ZNF804B: variants seen among roughly 807,000 people sequenced by gnomAD.
ZNF804B encodes the protein zinc finger protein 804B, also known as zinc finger 804B.
Under a neutral mutation model 101.4 loss-of-function variants are expected in ZNF804B, and 80 were observed. The observed-to-expected ratio is 0.79, with a 90% confidence interval of 0.66 to 0.95. ZNF804B has a LOEUF of 0.95. ZNF804B is among the 40% of genes least tolerant of loss of function. ZNF804B has a pLI of 0.00. For missense variants in ZNF804B, 1,673 were observed against 1,561.9 expected, an observed-to-expected ratio of 1.07 and a Z score of -1.20; for synonymous variants, 622 against 558.8, an observed-to-expected ratio of 1.11 and a Z score of -1.59.
intron 1 of ZNF804B, among the ~76,000 whole-genome samples, chr7:88,883,759 G>C (rs1402643466): frequency 6.6e-6 from 1 of 152,028 alleles, no homozygotes; most frequent in African/African-American, 2.4e-5. Flanking sequence ...ATTCCGATTT[G>C]TGTGATTCTG....
chr7:88,841,713 G>T, intron 1 of ZNF804B, among the ~76,000 whole-genome samples: 1 of 152,102 alleles, frequency 6.6e-6, no homozygotes, highest in East Asian at 1.9e-4. Flanking sequence ...GCTTTTGGTT[G>T]GTGTCAGAAG....
At chr7:89,035,811 G>A (rs1021502610) in intron 1 of ZNF804B, among the ~76,000 whole-genome samples, 11 of 148,960 alleles carry the variant, frequency 7.4e-5, no homozygotes, top group African/African-American at 1.5e-4. Context: ...CATTGGACCC[G>A]TAGGGTATGG....
At chr7:89,192,849 T>C (rs577804848) in intron 1 of ZNF804B, among the ~76,000 whole-genome samples, 1 of 152,162 alleles carries the variant, frequency 6.6e-6, no homozygotes, top group African/African-American at 2.4e-5. Flanking sequence ...AGTTCAACAT[T>C]CATAAATAAA....
intron 1 of ZNF804B, among the ~76,000 whole-genome samples, chr7:88,893,996 C>A (rs940434500): frequency 1.3e-4 from 20 of 151,890 alleles, no homozygotes; most frequent in Non-Finnish European, 2.4e-4. Flanking sequence ...TAATACCACC[C>A]AGTCTATTCT....
chr7:88,803,156 AG>A (rs1790633606), intron 1 of ZNF804B, among the ~76,000 whole-genome samples: 1 of 150,514 alleles, frequency 6.6e-6, no homozygotes, highest in Non-Finnish European at 1.5e-5. Context: ...TATTATGTTC[AG>A]AAAAAAAAAC....
intron 2 of ZNF804B, among the ~76,000 whole-genome samples, chr7:89,298,562 G>A (rs1790428177): frequency 6.6e-6 from 1 of 151,490 alleles, no homozygotes; most frequent in Non-Finnish European, 1.5e-5. Context: ...TAATACATCT[G>A]TGTCTTTGCA....
chr7:88,917,303 A>G (rs1792649827), intron 1 of ZNF804B, among the ~76,000 whole-genome samples: 1 of 152,156 alleles, frequency 6.6e-6, no homozygotes, highest in Non-Finnish European at 1.5e-5. Flanking sequence ...TAATATTCAA[A>G]TGGTCTGAAC....
At chr7:89,250,745 G>T (rs1789526717) in intron 2 of ZNF804B, among the ~76,000 whole-genome samples, 1 of 152,164 alleles carries the variant, frequency 6.6e-6, no homozygotes, top group Non-Finnish European at 1.5e-5. Context: ...AATTCAGCAT[G>T]ATCAAATAGG....
intron 1 of ZNF804B, among the ~76,000 whole-genome samples, chr7:88,777,155 T>A (rs775100994): frequency 3.9e-5 from 6 of 152,196 alleles, no homozygotes; most frequent in Non-Finnish European, 8.8e-5. Flanking sequence ...CTGGTGCTAC[T>A]GGACTCACTG....
At chr7:89,204,451 A>G (rs1788688319) in intron 1 of ZNF804B, among the ~76,000 whole-genome samples, 1 of 152,202 alleles carries the variant, frequency 6.6e-6, no homozygotes. Context: ...ACACACCCAC[A>G]CAGTAGACAC....
intron 2 of ZNF804B, among the ~76,000 whole-genome samples, chr7:89,298,364 T>A (rs1790425156): frequency 6.7e-6 from 1 of 148,456 alleles, no homozygotes; most frequent in Admixed American, 6.8e-5. Flanking sequence ...ACATTAGGTA[T>A]TTCTCCTAAT....
chr7:88,843,870 T>C (rs10236754), intron 1 of ZNF804B, among the ~76,000 whole-genome samples: 5,947 of 152,242 alleles, frequency 0.039, 405 homozygotes, highest in African/African-American at 0.14. Context: ...AAAAGATCCC[T>C]ATTGATGCCG....
At chr7:88,918,782 C>T (rs555493133) in intron 1 of ZNF804B, among the ~76,000 whole-genome samples, 229 of 152,060 alleles carry the variant, frequency 1.5e-3, no homozygotes, top group Non-Finnish European at 2.5e-3. Flanking sequence ...GTGAGGGGGA[C>T]GATAGATTCT....
intron 1 of ZNF804B, among the ~76,000 whole-genome samples, chr7:89,124,301 T>A (rs1168943381): frequency 1.3e-5 from 2 of 152,106 alleles, no homozygotes; most frequent in African/African-American, 4.8e-5. Context: ...TAATTCTCAG[T>A]CTAGCTTTGT....
chr7:89,112,437 G>A (rs951865468), intron 1 of ZNF804B, among the ~76,000 whole-genome samples: 12 of 152,044 alleles, frequency 7.9e-5, no homozygotes, highest in Non-Finnish European at 1.6e-4. Context: ...TTATTTATTT[G>A]AGTCTATTTC....
At chr7:89,320,236 A>C (rs62469513) in intron 2 of ZNF804B, among the ~76,000 whole-genome samples, 47 of 152,184 alleles carry the variant, frequency 3.1e-4, no homozygotes, top group Non-Finnish European at 5.4e-4. Context: ...ACATGTTAGA[A>C]TTATCAGAAA....
intron 1 of ZNF804B, among the ~76,000 whole-genome samples, chr7:88,954,779 G>A (rs1793278821): frequency 2.0e-5 from 3 of 151,676 alleles, no homozygotes; most frequent in Admixed American, 2.0e-4. Context: ...AAGTTAATGG[G>A]TGAAAGGATG....
At position 89,116,285 on chromosome 7, in the gene ZNF804B, A is replaced by G. The variant is rs142833019; in HGVS notation, c.109-101870A>G. ...CTTGAATAAGGTATTTGTGATGTCT[A>G]TGGTTCAAAATGTTTATGATTTAAG... On this transcript the variant is annotated intron_variant, in intron 1 of 3. Transcript: ENST00000333190. 2.4e-3 allele frequency among the ~76,000 whole-genome samples: 363 copies of G among 152,238 alleles called. 3 individuals are homozygous for G. Among genetic ancestry groups the G allele is most frequent in the African/African-American group, 8.0e-3 (334 of 41,544 alleles).
At chr7:89,051,606 A>G (rs913562411) in intron 1 of ZNF804B, among the ~76,000 whole-genome samples, 24 of 152,162 alleles carry the variant, frequency 1.6e-4, no homozygotes, top group African/African-American at 5.8e-4. Flanking sequence ...AGTGAGATTT[A>G]ACATCTTTTC....
Sources: gnomAD v4.1 joint callset for allele counts (sites outside exome capture counted in the v4.1 genomes callset) on GRCh38, gnomAD v4.1.1 for gene constraint, MANE v1.5 for transcripts, NCBI Gene and HGNC (gene_info 2026-07-23, HGNC 2026-07-21) for gene names.